The following COBLL1 variants were observed in gnomAD, a reference collection of about 807,000 sequenced individuals.
The protein encoded by COBLL1 is cordon-bleu WH2 repeat protein like 1, also known as cordon-bleu protein-like 1.
In COBLL1, 50 loss-of-function variants were observed where a neutral mutation model predicts 94.8. The ratio of observed to expected loss-of-function variants is 0.53; its 90% CI spans 0.42 to 0.67. The LOEUF is 0.67. Ranked by LOEUF, COBLL1 falls within the 30% of genes least tolerant of loss-of-function variation. COBLL1 has a pLI of 0.00. For missense variants in COBLL1, 1,362 were observed against 1,348.7 expected (o/e 1.01, Z -0.15); for synonymous variants, 448 against 473.8 (o/e 0.95, Z 0.71).
chr2:164,684,098 T>C lies in COBLL1; in HGVS notation c.*1848A>G, dbSNP rs546111629. ...CACTTGCTATTTTGAAACTTCCGTT[T>C]TTGCTAATTTGATGTGGTACCTTTC... On this transcript the variant is annotated 3_prime_UTR_variant, in exon 14 of 14. Coordinates refer to ENST00000652658, the MANE Select transcript of COBLL1 (RefSeq NM_001365672.2). The C allele has an allele frequency of 6.6e-6, 1 of 152,256 alleles. No homozygotes were observed. The highest frequency in any genetic ancestry group is 1.9e-4 in the East Asian group (1 of 5,180). The allele number at this position is 152,256 out of a possible 1,614,324, so 9.4% of individuals were successfully genotyped here. A position where few individuals can be genotyped will look rare whatever the true frequency, so the allele number is the denominator to read the frequency against.
At chr2:164,786,079 T>C (rs1044962415) in intron 2 of COBLL1, among the ~76,000 whole-genome samples, 1 of 152,202 alleles carries the variant, frequency 6.6e-6, no homozygotes, top group Admixed American at 6.5e-5. Flanking sequence ...ATGTATTATA[T>C]AAAACTAATT....
chr2:164,828,195 T>A (rs113478238), intron 2 of COBLL1, among the ~76,000 whole-genome samples: 78 of 152,286 alleles, frequency 5.1e-4, no homozygotes, highest in African/African-American at 1.7e-3. Flanking sequence ...CAACACTGAC[T>A]TTTTGCTTGA....
At chr2:164,694,156 C>T in intron 12 of COBLL1, 113 bp downstream of exon 12, 1 of 1,019,274 alleles carries the variant, frequency 9.8e-7, no homozygotes, top group Non-Finnish European at 1.5e-6. Flanking sequence ...AGCTTAATTT[C>T]AGATGAATAT....
In COBLL1 at chr2:164,682,019, C is replaced by T. The variant is rs990687942; in HGVS notation, c.*3927G>A. 1 of 152,160 alleles carries T rather than the reference C, an allele frequency of 6.6e-6. No homozygotes were observed. Among genetic ancestry groups the T allele is most frequent in the African/African-American group, 2.4e-5 (1 of 41,436 alleles). The allele number at this position is 152,160 out of a possible 1,614,324, so 9.4% of individuals were successfully genotyped here. ...ACTGAAGATTCAGAACAAATAACTTCCTATTCTGGTATCCCTTGAAATCTA... is the reference window on the plus strand; with the variant it reads ...ACTGAAGATTCAGAACAAATAACTTTCTATTCTGGTATCCCTTGAAATCTA... On this transcript the variant is annotated 3_prime_UTR_variant, in exon 14 of 14. Transcript: ENST00000652658.
intron 2 of COBLL1, chr2:164,779,580 C>G: frequency 2.2e-6 from 1 of 448,990 alleles, no homozygotes; most frequent in Non-Finnish European, 4.6e-6. Flanking sequence ...ATGCCATTTC[C>G]CAGAACACAG....
chr2:164,776,901 T>A (rs1484064899), intron 2 of COBLL1, among the ~76,000 whole-genome samples: 2 of 152,330 alleles, frequency 1.3e-5, no homozygotes, highest in South Asian at 2.1e-4. Flanking sequence ...AGATATTTAA[T>A]TTTTAAAAAT....
Position 164,692,239 on chromosome 2 carries a change from A to C in COBLL1, c.3282T>G (p.Ala1094=). Residue 1094 remains alanine, a synonymous_variant, in exon 13 of 14, where the codon GCT becomes GCG. Transcript: ENST00000652658. ...SLLTAIRSGE[A]AAKLKRVTIP... Reference sequence around the variant, plus strand: ...GACTTACCCTTTTCAATTTGGCAGCAGCCTCTCCCGAACGGATTGCAGTCA... The same window carrying C: ...GACTTACCCTTTTCAATTTGGCAGCCGCCTCTCCCGAACGGATTGCAGTCA... 6.2e-7 allele frequency: 1 copy of C among 1,603,828 alleles called. No individual in the cohort carries two copies. The highest frequency in any genetic ancestry group is 8.5e-7 in the Non-Finnish European group (1 of 1,176,276).
intron 2 of COBLL1, among the ~76,000 whole-genome samples, chr2:164,815,766 T>C (rs1286524427): frequency 6.6e-6 from 1 of 152,128 alleles, no homozygotes; most frequent in Non-Finnish European, 1.5e-5. Context: ...CCAAACCATA[T>C]TATTCATTCT....
Position 164,685,940 on chromosome 2 carries a change from TA to T in COBLL1, c.*5del. ...AGTGAAGTGCAGTGGTGTGGCAGGG[TA>T]ACATTTAATGGCCGTCCTGGGCATC... On this transcript the variant is annotated 3_prime_UTR_variant, in exon 14 of 14. Transcript: ENST00000652658. 1.3e-6 allele frequency: 2 copies of T among 1,566,954 alleles called. No individual in the cohort carries two copies. Among genetic ancestry groups the T allele is most frequent in the Non-Finnish European group, 8.7e-7 (1 of 1,144,964 alleles).
intron 13 of COBLL1, chr2:164,687,619 GAGAC>G: frequency 9.4e-7 from 1 of 1,062,750 alleles, no homozygotes; most frequent in Non-Finnish European, 1.4e-6. Context: ...TGCAAGGTCA[GAGAC>G]ATGAACATAC....
rs780048723 is a variant in COBLL1 at position 164,722,198 on chromosome 2, C to A, written c.873G>T (p.Lys291Asn). The stretch of plus-strand genomic sequence containing the variant: ...TCGGGGGCAGTGGAGCCCGCCTCTT[C>A]TTGGGTGCATCCGACGGCAGGGTGT... ...ISNTLPSDAP[K>N]KRRAPLPPMP... Residue 291 changes from lysine (K) to asparagine (N), a missense_variant, in exon 7 of 14, where the codon AAG (lysine) becomes AAT (asparagine). Lys to Asn is a moderately conservative substitution (Grantham distance 94). Coordinates refer to ENST00000652658, the MANE Select transcript of COBLL1 (RefSeq NM_001365672.2). 1.9e-6 allele frequency: 3 copies of A among 1,614,102 alleles called. No homozygotes were observed. The highest frequency in any genetic ancestry group is 1.6e-4 in the Middle Eastern group (1 of 6,062).
intron 2 of COBLL1, among the ~76,000 whole-genome samples, chr2:164,807,512 T>C (rs1332481264): frequency 6.6e-6 from 1 of 152,120 alleles, no homozygotes; most frequent in Non-Finnish European, 1.5e-5. Flanking sequence ...CTTATATGTG[T>C]ATTATTTACA....
chr2:164,837,649 G>C (rs971117458), intron 2 of COBLL1, among the ~76,000 whole-genome samples: 2 of 151,736 alleles, frequency 1.3e-5, no homozygotes, highest in Non-Finnish European at 2.9e-5. Context: ...AATTAGATAG[G>C]AGTATATATG....
At chr2:164,690,208 G>T (rs764817018) in intron 13 of COBLL1, among the ~76,000 whole-genome samples, 5 of 151,956 alleles carry the variant, frequency 3.3e-5, no homozygotes, top group Non-Finnish European at 7.4e-5. Flanking sequence ...AAAAATGCTC[G>T]TCATGAAGTT....
Position 164,841,326 on chromosome 2 carries a change from G to C in COBLL1, c.-50-80C>G. 8.3e-7 allele frequency: 1 copy of C among 1,205,780 alleles called. No individual in the cohort carries two copies. Among genetic ancestry groups the C allele is most frequent in the South Asian group, 4.2e-5 (1 of 24,014 alleles). 74.7% of individuals were successfully genotyped at this position (1,205,780 alleles called of 1,614,324 possible). A position where few individuals can be genotyped will look rare whatever the true frequency, so the allele number is the denominator to read the frequency against. On this transcript the variant is annotated intron_variant, in intron 1 of 13. Transcript: ENST00000652658. This position sits in a 1 kb window ranked among gnomAD's most constrained non-coding sequence, Gnocchi z 5.5. Reference sequence around the variant, plus strand: ...GAGCGAAGCTGGCTGAGCGTCAAGAGCCCGCCCGAGCCGCTCCAGCCCCGG... The same window carrying C: ...GAGCGAAGCTGGCTGAGCGTCAAGACCCCGCCCGAGCCGCTCCAGCCCCGG...
intron 9 of COBLL1, chr2:164,703,720 T>G (rs577622593): frequency 6.0e-6 from 2 of 333,566 alleles, no homozygotes; most frequent in South Asian, 5.0e-5. Flanking sequence ...ATATTAAGCA[T>G]TTTTTATACT....
At chr2:164,747,310 TACTGCACACTGCA>T (rs1478657570) in intron 2 of COBLL1, among the ~76,000 whole-genome samples, 5 of 152,218 alleles carry the variant, frequency 3.3e-5, no homozygotes, top group African/African-American at 1.2e-4. Context: ...ATTCCCTGTC[TACTGCACACTGCA>T]GTGAACTCCT....
At chr2:164,717,325 A>G (rs138651307) in intron 7 of COBLL1, among the ~76,000 whole-genome samples, 2 of 152,302 alleles carry the variant, frequency 1.3e-5, no homozygotes, top group Admixed American at 6.5e-5. Flanking sequence ...TTTCCTCAAC[A>G]TGCTATCATT....
chr2:164,686,982 G>A (rs892929489), intron 13 of COBLL1, among the ~76,000 whole-genome samples: 6 of 152,110 alleles, frequency 3.9e-5, no homozygotes, highest in Non-Finnish European at 7.3e-5. Context: ...GCTTCCTTGC[G>A]CTTCGCTTTT....
Sources: allele counts gnomAD v4.1 joint callset (sites outside exome capture counted in the v4.1 genomes callset), GRCh38; gene constraint gnomAD v4.1.1; non-coding constraint Gnocchi (gnomAD v3.1); transcripts MANE v1.5; gene names NCBI Gene and HGNC (gene_info 2026-07-23, HGNC 2026-07-21).